Variants in SLIT1 observed in about 807,000 individuals in gnomAD.
The protein encoded by SLIT1 is slit guidance ligand 1.
SLIT1 carries 66 observed loss-of-function variants against 186.1 expected under a neutral mutation model. The ratio of observed to expected loss-of-function variants is 0.35; its 90% CI spans 0.29 to 0.44. The LOEUF (loss-of-function observed/expected upper bound fraction) is 0.44, where lower values mean the gene tolerates loss of function less well. Ranked by LOEUF, SLIT1 falls within the 20% of genes least tolerant of loss-of-function variation. SLIT1 has a pLI of 1.00. For missense variants in SLIT1, 1,638 were observed against 2,037.4 expected (o/e 0.80, Z 3.77); for synonymous variants, 761 against 833.8 (o/e 0.91, Z 1.50).
intron 4 of SLIT1, among the ~76,000 whole-genome samples, chr10:97,142,376 A>C (rs1246851195): frequency 4.6e-5 from 7 of 152,240 alleles, no homozygotes; most frequent in African/African-American, 1.7e-4. Flanking sequence ...TGAGGAAAAG[A>C]CAGTCTCTTC....
At chr10:97,013,991 C>G in intron 29 of SLIT1, 28 bp downstream of exon 29, 2 of 1,610,060 alleles carry the variant, frequency 1.2e-6, no homozygotes, top group South Asian at 2.2e-5. Flanking sequence ...CCCACCTCCC[C>G]CAGACACTGC....
At chr10:97,029,170 A>G (rs545357341) in intron 25 of SLIT1, among the ~76,000 whole-genome samples, 132 of 152,362 alleles carry the variant, frequency 8.7e-4, no homozygotes, top group African/African-American at 3.1e-3. Flanking sequence ...AACACCTGTT[A>G]CTATTTTATC....
At chr10:97,072,553 G>A (rs895077105) in intron 4 of SLIT1, among the ~76,000 whole-genome samples, 7 of 152,156 alleles carry the variant, frequency 4.6e-5, no homozygotes, top group Non-Finnish European at 8.8e-5. Flanking sequence ...TGATGCCAAC[G>A]GCCATCAAGA....
At chr10:97,067,147 C>CA (rs1243929765) in intron 4 of SLIT1, among the ~76,000 whole-genome samples, 9 of 152,156 alleles carry the variant, frequency 5.9e-5, no homozygotes, top group Non-Finnish European at 1.0e-4. Flanking sequence ...GCCTAGGCCA[C>CA]AGGGAGTCAG....
chr10:97,071,032 ACTCCTGGC>A (rs1848996961), intron 4 of SLIT1, among the ~76,000 whole-genome samples: 1 of 151,850 alleles, frequency 6.6e-6, no homozygotes, highest in South Asian at 2.1e-4. Context: ...CTGGTCTCAA[ACTCCTGGC>A]CTCAAGTGAT....
At position 97,043,435 on chromosome 10, in the gene SLIT1, G is replaced by C. The variant is rs751909376; in HGVS notation, c.1932C>G (p.Leu644=). 8 of 1,614,012 alleles carry C rather than the reference G, an allele frequency of 5.0e-6. No individual in the cohort carries two copies. In the South Asian group the frequency reaches 8.8e-5, roughly 18 times the overall value. Residue 644 remains leucine, a synonymous_variant, in exon 19 of 37, where the codon CTC becomes CTG. Transcript: ENST00000266058. This position sits in a 1 kb window ranked among gnomAD's most constrained non-coding sequence, Gnocchi z 7.0. ...TGLRNVRLLS[L]YDNQITTVSP... is the part of the protein sequence containing the mutation. ...ATACGGTGGTGATCTGGTTGTCGTA[G>C]AGCGAGAGGAGCCGGACGTTGCGCA... is the stretch of plus-strand genomic sequence containing the variant.
At chr10:97,089,121 C>G (rs1849200868) in intron 4 of SLIT1, among the ~76,000 whole-genome samples, 1 of 152,146 alleles carries the variant, frequency 6.6e-6, no homozygotes, top group Non-Finnish European at 1.5e-5. Context: ...AGTGCAGCAT[C>G]TGGGGGAAAG....
chr10:97,125,478 G>A lies in SLIT1; in HGVS notation c.413+32340C>T, dbSNP rs1849595360. Among the ~76,000 whole-genome samples the A allele has an allele frequency of 3.3e-5, 5 of 150,020 alleles. No individual in the cohort carries two copies. In the South Asian group the frequency reaches 8.5e-4, roughly 25 times the overall value. On this transcript the variant is annotated intron_variant, in intron 4 of 36. Transcript: ENST00000266058. ...GAGCTCAGGAGGAGGAGGTTACAGT[G>A]AGCCAAGATCACACCACTGCACTCC...
At chr10:97,018,504 C>A in intron 28 of SLIT1, 82 bp downstream of exon 28, 1 of 853,734 alleles carries the variant, frequency 1.2e-6, no homozygotes, top group Non-Finnish European at 1.9e-6. Context: ...CCTGGGCCAT[C>A]CCTGATGGAG....
intron 4 of SLIT1, among the ~76,000 whole-genome samples, chr10:97,107,869 C>A (rs1327541710): frequency 6.6e-6 from 1 of 152,154 alleles, no homozygotes; most frequent in African/African-American, 2.4e-5. Flanking sequence ...ACCAACCACA[C>A]TCGAGGCCCA....
At chr10:97,064,897 G>T in intron 5 of SLIT1, 21 bp from the exon 6 acceptor site, 1 of 1,604,882 alleles carries the variant, frequency 6.2e-7, no homozygotes, top group Non-Finnish European at 8.5e-7. Flanking sequence ...AAGGAAGGTT[G>T]TAGAGAGAAG....
chr10:97,038,763 C>T (rs951089903), intron 21 of SLIT1, among the ~76,000 whole-genome samples: 2 of 152,198 alleles, frequency 1.3e-5, no homozygotes, highest in Non-Finnish European at 1.5e-5. Context: ...CTCATCCTTA[C>T]CCCTCGCTCT....
At chr10:97,054,390 A>G (rs1193209244) in intron 13 of SLIT1, among the ~76,000 whole-genome samples, 1 of 151,894 alleles carries the variant, frequency 6.6e-6, no homozygotes, top group African/African-American at 2.4e-5. Flanking sequence ...TGTACACCCC[A>G]TGGAACTGTC....
chr10:97,013,008 T>A (rs1056109716), intron 30 of SLIT1, among the ~76,000 whole-genome samples: 2 of 152,222 alleles, frequency 1.3e-5, no homozygotes, highest in African/African-American at 4.8e-5. Context: ...TTTTCACATA[T>A]GCCAATAACA....
intron 4 of SLIT1, among the ~76,000 whole-genome samples, chr10:97,137,833 G>C (rs973845837): frequency 4.6e-5 from 7 of 152,206 alleles, no homozygotes; most frequent in Non-Finnish European, 7.3e-5. Flanking sequence ...TTTACCACAT[G>C]TTGGGCCCCA....
At chr10:97,061,732 C>T (rs1045961090) in intron 8 of SLIT1, among the ~76,000 whole-genome samples, 4 of 152,142 alleles carry the variant, frequency 2.6e-5, no homozygotes, top group Admixed American at 6.5e-5. Flanking sequence ...GAAAAAGCTG[C>T]CTTTAATATT....
intron 4 of SLIT1, among the ~76,000 whole-genome samples, chr10:97,101,676 G>A (rs1849355440): frequency 6.6e-6 from 1 of 152,242 alleles, no homozygotes; most frequent in Non-Finnish European, 1.5e-5. Flanking sequence ...AGGATGTGCT[G>A]CACATGCCTC....
chr10:97,076,356 G>A (rs961044149), intron 4 of SLIT1, among the ~76,000 whole-genome samples: 3 of 152,138 alleles, frequency 2.0e-5, no homozygotes, highest in Non-Finnish European at 4.4e-5. Flanking sequence ...TGGCAGGAGG[G>A]AGGCTATCAA....
intron 1 of SLIT1, among the ~76,000 whole-genome samples, chr10:97,178,782 AGAGAG>A (rs752191343): frequency 2.2e-3 from 193 of 86,176 alleles, no homozygotes; most frequent in Non-Finnish European, 3.7e-3. Context: ...GAGAAGAGAG[AGAGAG>A]AAAGTGTGTG....
Sources: allele counts gnomAD v4.1 joint callset (sites outside exome capture counted in the v4.1 genomes callset), GRCh38; gene constraint gnomAD v4.1.1; non-coding constraint Gnocchi (gnomAD v3.1); transcripts MANE v1.5; gene names NCBI Gene and HGNC (gene_info 2026-07-23, HGNC 2026-07-21).